Variants in UNC13C observed in about 807,000 individuals in gnomAD.
The protein encoded by UNC13C is protein unc-13 homolog C.
Under a neutral mutation model 245.4 loss-of-function variants are expected in UNC13C, and 174 were observed. The ratio of observed to expected loss-of-function variants is 0.71; its 90% CI spans 0.63 to 0.80. The LOEUF is 0.80. Among genes scored for constraint, UNC13C ranks in the 30% least tolerant of loss-of-function variants. The probability of loss-of-function intolerance (pLI) is 0.00; values close to 1 mark genes in which losing one functional copy is unlikely to be tolerated. For synonymous variants in UNC13C, 992 were observed against 895.1 expected, an observed-to-expected ratio of 1.11 and a Z score of -1.93; for missense variants, 2,829 against 2,602.9, an observed-to-expected ratio of 1.09 and a Z score of -1.89.
intron 18 of UNC13C, among the ~76,000 whole-genome samples, chr15:54,397,548 A>G (rs1018109251): frequency 2.0e-5 from 3 of 151,420 alleles, no homozygotes; most frequent in African/African-American, 7.3e-5. Context: ...TCAGTTTGTC[A>G]ATTTCTACAA....
intron 4 of UNC13C, among the ~76,000 whole-genome samples, chr15:54,168,587 C>A (rs1281254251): frequency 6.6e-6 from 1 of 152,026 alleles, no homozygotes; most frequent in Non-Finnish European, 1.5e-5. Context: ...GGGTTTTTGG[C>A]CACGGTCATT....
intron 17 of UNC13C, among the ~76,000 whole-genome samples, chr15:54,384,743 A>C (rs1175235196): frequency 6.6e-6 from 1 of 152,116 alleles, no homozygotes; most frequent in Non-Finnish European, 1.5e-5. Context: ...AACTAAAGAA[A>C]ATATTTGCAA....
chr15:54,537,745 T>G lies in UNC13C; in HGVS notation c.5696+4679T>G, dbSNP rs138933668. 1.2e-3 allele frequency among the ~76,000 whole-genome samples: 183 copies of G among 151,018 alleles called. 1 individual carries two copies. Among genetic ancestry groups the G allele is most frequent in the African/African-American group, 4.3e-3 (173 of 40,482 alleles). ...ACAAGCAGGAAGGGAAAGAACTTCC[T>G]AGTCAACAAATGGTGTTGTTAGAAT... On this transcript the variant is annotated intron_variant, in intron 26 of 32. Transcript: ENST00000260323.
chr15:53,949,270 T>C, the UNC13C span, among the ~76,000 whole-genome samples: 5 of 152,184 alleles, frequency 3.3e-5, no homozygotes, highest in Admixed American at 3.3e-4. Context: ...ACGTAGTAGA[T>C]ATTCAGCCAG....
chr15:54,476,410 T>C (rs1277460664), intron 19 of UNC13C, among the ~76,000 whole-genome samples: 1 of 151,242 alleles, frequency 6.6e-6, no homozygotes, highest in Non-Finnish European at 1.5e-5. Context: ...TGGTAATGCC[T>C]AGGTTTTCTT....
At chr15:54,077,015 T>C (rs2141109771) in intron 2 of UNC13C, among the ~76,000 whole-genome samples, 1 of 152,306 alleles carries the variant, frequency 6.6e-6, no homozygotes, top group African/African-American at 2.4e-5. Context: ...ATCTGAGAGA[T>C]GAGTAGCTTA....
chr15:54,260,374 A>G (rs2036391918), intron 8 of UNC13C, among the ~76,000 whole-genome samples: 1 of 152,078 alleles, frequency 6.6e-6, no homozygotes, highest in Admixed American at 6.5e-5. Flanking sequence ...CTGTTGAGAT[A>G]AGATCATATG....
chr15:54,147,312 C>T (rs4550401), intron 4 of UNC13C, among the ~76,000 whole-genome samples: 31,285 of 151,544 alleles, frequency 0.21, 3,495 homozygotes, highest in South Asian at 0.28. Context: ...CTCTGCCTCC[C>T]GGGTTCATGC....
At chr15:54,196,618 CA>C (rs1459230683) in intron 4 of UNC13C, among the ~76,000 whole-genome samples, 1 of 152,036 alleles carries the variant, frequency 6.6e-6, no homozygotes, top group Non-Finnish European at 1.5e-5. Context: ...GTATAAAAGA[CA>C]ATATATCATG....
intron 1 of UNC13C, among the ~76,000 whole-genome samples, chr15:54,004,279 C>T (rs889607419): frequency 1.3e-5 from 2 of 152,190 alleles, no homozygotes; most frequent in African/African-American, 4.8e-5. Context: ...CTTTCTGCGC[C>T]TGGCTTATTT....
intron 2 of UNC13C, among the ~76,000 whole-genome samples, chr15:54,133,554 T>C (rs1488043373): frequency 6.6e-6 from 1 of 152,196 alleles, no homozygotes; most frequent in African/African-American, 2.4e-5. Context: ...TGGTCTCGCA[T>C]TAACGACATT....
chr15:54,078,597 CAT>C (rs1898762537), intron 2 of UNC13C, among the ~76,000 whole-genome samples: 1 of 152,040 alleles, frequency 6.6e-6, no homozygotes, highest in African/African-American at 2.4e-5. Context: ...AGCATTTTCT[CAT>C]ATGTTTGTTG....
intron 30 of UNC13C, among the ~76,000 whole-genome samples, chr15:54,586,361 G>A (rs1425503881): frequency 1.3e-5 from 2 of 152,188 alleles, no homozygotes; most frequent in African/African-American, 4.8e-5. Flanking sequence ...AGCCCAAGAT[G>A]AAGGTGCCAG....
At chr15:54,353,977 C>A (rs535215274) in intron 17 of UNC13C, among the ~76,000 whole-genome samples, 98 of 152,258 alleles carry the variant, frequency 6.4e-4, no homozygotes, top group Middle Eastern at 3.4e-3. Flanking sequence ...TCTTACAATT[C>A]CTAGGGAAGA....
chr15:54,088,964 A>T (rs1292382509), intron 2 of UNC13C, among the ~76,000 whole-genome samples: 4 of 152,298 alleles, frequency 2.6e-5, no homozygotes, highest in South Asian at 4.1e-4. Flanking sequence ...GCGGGGGGGA[A>T]CATCCACATG....
At chr15:54,436,135 G>T (rs1425032551) in intron 19 of UNC13C, among the ~76,000 whole-genome samples, 1 of 151,964 alleles carries the variant, frequency 6.6e-6, no homozygotes, top group Non-Finnish European at 1.5e-5. Flanking sequence ...CACTGTTGGT[G>T]GGAATGTAAA....
chr15:53,929,178 A>G, the UNC13C span, among the ~76,000 whole-genome samples: 2 of 152,178 alleles, frequency 1.3e-5, no homozygotes, highest in Non-Finnish European at 2.9e-5. Context: ...GAGCTTGTGT[A>G]GGGGAACTCC....
At chr15:54,501,534 T>C (rs2141100275) in intron 22 of UNC13C, among the ~76,000 whole-genome samples, 1 of 152,284 alleles carries the variant, frequency 6.6e-6, no homozygotes, top group East Asian at 1.9e-4. Flanking sequence ...TACCATGTGC[T>C]TACTACTTTC....
In UNC13C at chr15:54,235,492, A is replaced by T. The variant is rs184943202; in HGVS notation, c.3150+384A>T. Among the ~76,000 whole-genome samples the T allele has an allele frequency of 9.2e-5, 10 of 109,132 alleles. No homozygotes were observed. In the East Asian group the frequency reaches 2.3e-3, roughly 25 times the overall value. 71.6% of individuals were successfully genotyped at this position (109,132 alleles called of 152,430 possible). On this transcript the variant is annotated intron_variant, in intron 5 of 32. Coordinates refer to ENST00000260323, the MANE Select transcript of UNC13C (RefSeq NM_001080534.3). ...AAACTTCTTCACCTTAATACAGTGG[A>T]CCTGAATACTTTATACAGCAAGCAG...
Sources: gnomAD v4.1 joint callset for allele counts (sites outside exome capture counted in the v4.1 genomes callset) on GRCh38, gnomAD v4.1.1 for gene constraint, MANE v1.5 for transcripts, NCBI Gene and HGNC (gene_info 2026-07-23, HGNC 2026-07-21) for gene names.